The following MYO18A variants were observed in gnomAD, a reference collection of about 807,000 sequenced individuals.
MYO18A encodes the protein unconventional myosin-XVIIIa.
Under a neutral mutation model 235.8 loss-of-function variants are expected in MYO18A, and 78 were observed. That is an observed-to-expected ratio of 0.33 (90% CI 0.28 to 0.40). The LOEUF is 0.40. MYO18A is among the 10% of genes least tolerant of loss of function. MYO18A has a pLI of 1.00. For missense variants in MYO18A, 2,215 were observed against 2,699.3 expected (o/e 0.82, Z 3.98); for synonymous variants, 977 against 1,077.8 (o/e 0.91, Z 1.83).
rs962720287 is a variant in MYO18A at position 29,074,501 on chromosome 17, C to T, written c.*269G>A. 4.7e-5 allele frequency: 27 copies of T among 575,434 alleles called. No individual in the cohort carries two copies. Among genetic ancestry groups the T allele is most frequent in the African/African-American group, 3.7e-5 (2 of 53,404 alleles). 35.6% of individuals were successfully genotyped at this position (575,434 alleles called of 1,614,324 possible). A position where few individuals can be genotyped will look rare whatever the true frequency, so the allele number is the denominator to read the frequency against. ...GTGCCAGGCCACCTGCCACTGCCCA[C>T]GGTGACACAGGGTAGAAGCCAAGAG... On this transcript the variant is annotated 3_prime_UTR_variant, in exon 42 of 42. Coordinates refer to ENST00000527372, the MANE Select transcript of MYO18A (RefSeq NM_078471.4). The surrounding 1 kb of genome is among the most constrained non-coding windows in gnomAD (Gnocchi z 4.4).
chr17:29,120,934 G>GTGC lies in MYO18A; in HGVS notation c.1585+61_1585+63dup. 6.4e-7 allele frequency: 1 copy of GTGC among 1,567,474 alleles called. No individual in the cohort carries two copies. Among genetic ancestry groups the GTGC allele is most frequent in the South Asian group, 1.2e-5 (1 of 86,780 alleles). ...AGAAAAAGAGCTGGCACTTAAGAGG[G>GTGC]TGCTCTCTCCTCACTCCCCTCCCCT... On this transcript the variant is annotated intron_variant, in intron 6 of 41. Transcript: ENST00000527372. This position sits in a 1 kb window ranked among gnomAD's most constrained non-coding sequence, Gnocchi z 4.2.
rs375647301 is a variant in MYO18A, at chr17:29,086,488, A to G, written c.5802T>C (p.Ala1934=). 293 of 1,610,670 alleles carry G rather than the reference A, an allele frequency of 1.8e-4. No homozygotes were observed. The African/African-American group carries it at 3.3e-3, about 18-fold the overall frequency. ...CACTCTCCATCTCATCCTCAATGGC[A>G]GCCTGCAGGTCCCCGATGCGCTTGA... ...LAFKRIGDLQ[A]AIEDEMESDE... The change falls in exon 39 of 42, where the codon GCT becomes GCC. Residue 1934 remains alanine (A), a synonymous_variant. Coordinates refer to ENST00000527372, the MANE Select transcript of MYO18A (RefSeq NM_078471.4).
chr17:29,097,187 T>C (rs1482623357), intron 27 of MYO18A, 36 bp downstream of exon 27: 3 of 1,600,038 alleles, frequency 1.9e-6, no homozygotes, highest in Non-Finnish European at 1.7e-6. Context: ...CTCCTGGCCC[T>C]CCCAGGCACA....
intron 2 of MYO18A, among the ~76,000 whole-genome samples, chr17:29,162,936 A>G (rs1480643200): frequency 6.6e-6 from 1 of 152,214 alleles, no homozygotes; most frequent in Non-Finnish European, 1.5e-5. Flanking sequence ...GGGAAACCCA[A>G]GGGGCTGTGT....
Position 29,086,442 on chromosome 17 carries a change from T to G in MYO18A, c.5848A>C (p.Asn1950His), listed in dbSNP as rs765901220. 1.8e-5 allele frequency: 28 copies of G among 1,599,522 alleles called. No homozygotes were observed. Among genetic ancestry groups the G allele is most frequent in the Non-Finnish European group, 2.3e-5 (27 of 1,172,890 alleles). ...MESDENEDLI[N>H]SLQDMVTKYQ... is the part of the protein sequence containing the mutation. ...GCCCCAGAGGCCACTTCTCACCTGTTGATGAGGTCCTCATTCTCATCACTC... is the reference window on the plus strand; with the variant it reads ...GCCCCAGAGGCCACTTCTCACCTGTGGATGAGGTCCTCATTCTCATCACTC... Residue 1950 changes from asparagine to histidine, a missense_variant, in exon 39 of 42, where the codon AAC (asparagine) becomes CAC (histidine). Asn to His is a moderately conservative substitution (Grantham distance 68). Coordinates refer to ENST00000527372, the MANE Select transcript of MYO18A (RefSeq NM_078471.4).
At chr17:29,119,468 G>C in intron 7 of MYO18A, 33 bp from the exon 8 acceptor site, 1 of 1,539,688 alleles carries the variant, frequency 6.5e-7, no homozygotes, top group Non-Finnish European at 8.8e-7. Flanking sequence ...GGGTAAGGAG[G>C]GTAGTGCCAG....
At chr17:29,080,918 T>G (rs1356278569) in intron 41 of MYO18A, 1 of 985,142 alleles carries the variant, frequency 1.0e-6, no homozygotes, top group African/African-American at 1.7e-5. Flanking sequence ...ATGGAGTCCT[T>G]TAGGGTGAGC....
At chr17:29,100,245 A>T (rs1230082062) in intron 21 of MYO18A, among the ~76,000 whole-genome samples, 2 of 152,030 alleles carry the variant, frequency 1.3e-5, no homozygotes, top group African/African-American at 4.8e-5. Flanking sequence ...ATGCTGGAGG[A>T]TGTCTGTGTG....
rs1598247205 is a variant in MYO18A at position 29,072,031 on chromosome 17, T to C, written c.*2739A>G. On this transcript the variant is annotated 3_prime_UTR_variant, in exon 42 of 42. Transcript: ENST00000527372. ...GGGTTATTGGAGGTTGATGTTGGAGTTTCCAGTTAACCAGAGGCTTGACTC... is the reference window on the plus strand; with the variant it reads ...GGGTTATTGGAGGTTGATGTTGGAGCTTCCAGTTAACCAGAGGCTTGACTC... The C allele has an allele frequency of 6.6e-6, 1 of 151,932 alleles. No individual in the cohort carries two copies. Among genetic ancestry groups the C allele is most frequent in the Admixed American group, 6.6e-5 (1 of 15,230 alleles). 9.4% of individuals were successfully genotyped at this position (151,932 alleles called of 1,614,324 possible).
chr17:29,129,540 C>T (rs909610593), intron 2 of MYO18A, among the ~76,000 whole-genome samples: 2 of 152,198 alleles, frequency 1.3e-5, no homozygotes, highest in East Asian at 1.9e-4. Context: ...GCCTGGGGAG[C>T]GTAAGGGCAA....
At chr17:29,177,251 CCT>C (rs1366719006) in intron 1 of MYO18A, among the ~76,000 whole-genome samples, 1 of 152,188 alleles carries the variant, frequency 6.6e-6, no homozygotes, top group Non-Finnish European at 1.5e-5. Flanking sequence ...CATCATCCAA[CCT>C]CTCTGAATAT....
At chr17:29,136,065 CA>C (rs2067589567) in intron 2 of MYO18A, among the ~76,000 whole-genome samples, 2 of 151,336 alleles carry the variant, frequency 1.3e-5, no homozygotes, top group African/African-American at 4.9e-5. Context: ...TTGTCTCTAC[CA>C]AAAACACAAA....
Position 29,124,823 on chromosome 17 carries a change from G to T in MYO18A, c.1000-2570C>A, listed in dbSNP as rs979588264. On this transcript the variant is annotated intron_variant, in intron 2 of 41. Transcript: ENST00000527372. ...GTTGTCCAAGGCTCGGGGTGAAGGT[G>T]GGGGAGCTTGGTGCCAGGACCTGGG... The T allele has an allele frequency of 2.1e-5, 13 of 632,856 alleles. 1 individual carries two copies. Among genetic ancestry groups the T allele is most frequent in the South Asian group, 4.2e-5 (2 of 47,188 alleles). 39.2% of individuals were successfully genotyped at this position (632,856 alleles called of 1,614,324 possible). A position where few individuals can be genotyped will look rare whatever the true frequency, so the allele number is the denominator to read the frequency against.
At chr17:29,138,479 C>T (rs1261585484) in intron 2 of MYO18A, among the ~76,000 whole-genome samples, 1 of 152,112 alleles carries the variant, frequency 6.6e-6, no homozygotes, top group Non-Finnish European at 1.5e-5. Flanking sequence ...CAACCTAGCA[C>T]CAACTTATCT....
intron 2 of MYO18A, among the ~76,000 whole-genome samples, chr17:29,123,502 G>A (rs1296076816): frequency 6.6e-6 from 1 of 152,244 alleles, no homozygotes; most frequent in Non-Finnish European, 1.5e-5. Flanking sequence ...ATTTCTTGGA[G>A]TTGAAAGTAA....
At chr17:29,130,086 CAGG>C (rs1287640017) in intron 2 of MYO18A, among the ~76,000 whole-genome samples, 2 of 152,104 alleles carry the variant, frequency 1.3e-5, no homozygotes, top group African/African-American at 4.8e-5. Flanking sequence ...TGCTTGAACT[CAGG>C]AGTTCAACAC....
chr17:29,142,586 T>C (rs1294156342), intron 2 of MYO18A, among the ~76,000 whole-genome samples: 1 of 152,238 alleles, frequency 6.6e-6, no homozygotes, highest in Non-Finnish European at 1.5e-5. Context: ...CCAGACCTGC[T>C]GAACCAAGAA....
chr17:29,092,299 G>A, intron 34 of MYO18A, 44 bp downstream of exon 34: 1 of 1,468,892 alleles, frequency 6.8e-7, no homozygotes, highest in East Asian at 2.3e-5. Context: ...GCTCTATTCT[G>A]CCTCAGCCCC....
intron 2 of MYO18A, among the ~76,000 whole-genome samples, chr17:29,131,133 C>T (rs1473952869): frequency 6.6e-6 from 1 of 152,182 alleles, no homozygotes; most frequent in African/African-American, 2.4e-5. Flanking sequence ...TTGGCCATCT[C>T]CTTCACACAC....
Sources: allele counts gnomAD v4.1 joint callset (sites outside exome capture counted in the v4.1 genomes callset), GRCh38; gene constraint gnomAD v4.1.1; non-coding constraint Gnocchi (gnomAD v3.1); transcripts MANE v1.5; gene names NCBI Gene and HGNC (gene_info 2026-07-23, HGNC 2026-07-21).